The following ASZ1 variants were observed in gnomAD, a reference collection of about 807,000 sequenced individuals.
The protein encoded by ASZ1 is ankyrin repeat, SAM and basic leucine zipper domain containing 1, also known as ankyrin repeat, SAM and basic leucine zipper domain-containing protein 1.
ASZ1 carries 67 observed loss-of-function variants against 61.8 expected under a neutral mutation model. The observed-to-expected ratio is 1.08, with a 90% confidence interval of 0.89 to 1.33. The LOEUF (loss-of-function observed/expected upper bound fraction) is 1.33. ASZ1 is among the 40% of genes most tolerant of loss of function. The pLI is 0.00. For synonymous variants in ASZ1, 193 were observed against 192.7 expected, an observed-to-expected ratio of 1.00 and a Z score of -0.01; for missense variants, 577 against 554.5, an observed-to-expected ratio of 1.04 and a Z score of -0.41.
chr7:117,423,966 T>G (rs770603414), intron 2 of ASZ1, among the ~76,000 whole-genome samples: 1 of 151,952 alleles, frequency 6.6e-6, no homozygotes, highest in Non-Finnish European at 1.5e-5. Flanking sequence ...TAAGCACATA[T>G]TATGTTCCAG....
At chr7:117,417,222 T>G (rs973708021) in intron 4 of ASZ1, among the ~76,000 whole-genome samples, 2 of 152,174 alleles carry the variant, frequency 1.3e-5, no homozygotes, top group African/African-American at 4.8e-5. Context: ...TTTCTTTGCA[T>G]CTATCAAGTA....
At position 117,377,808 on chromosome 7, in the gene ASZ1, G is replaced by C. The variant is rs540321993; in HGVS notation, c.1055+2130C>G. Among the ~76,000 whole-genome samples, 5 of 152,222 alleles carry C rather than the reference G, an allele frequency of 3.3e-5. No homozygotes were observed. The South Asian group carries it at 1.0e-3, about 32-fold the overall frequency. On this transcript the variant is annotated intron_variant, in intron 10 of 12. Coordinates refer to ENST00000284629, the MANE Select transcript of ASZ1 (RefSeq NM_130768.3). ...GATATTAAGGTTTACCATATAGTTA[G>C]AGTAATCAAGACGTGGTACTTTCAG...
intron 4 of ASZ1, among the ~76,000 whole-genome samples, chr7:117,419,240 C>T (rs1014498392): frequency 3.0e-4 from 46 of 152,256 alleles, no homozygotes; most frequent in African/African-American, 1.1e-3. Flanking sequence ...TGCCAAATAT[C>T]CCCTGAAAGG....
intron 4 of ASZ1, among the ~76,000 whole-genome samples, chr7:117,398,173 C>T (rs983700807): frequency 6.6e-5 from 10 of 152,186 alleles, no homozygotes; most frequent in Non-Finnish European, 1.2e-4. Flanking sequence ...AGTGCTATCT[C>T]GCTTCAATAT....
At chr7:117,411,207 T>C (rs1437760942) in intron 4 of ASZ1, among the ~76,000 whole-genome samples, 1 of 151,764 alleles carries the variant, frequency 6.6e-6, no homozygotes, top group Non-Finnish European at 1.5e-5. Context: ...GGTATCTGAG[T>C]AGCAGTATTA....
rs1796424861 is a variant in ASZ1 at position 117,389,628 on chromosome 7, A to C, written c.441-3819T>G. Among the ~76,000 whole-genome samples, 4 of 152,174 alleles carry C rather than the reference A, an allele frequency of 2.6e-5. No individual in the cohort carries two copies. The South Asian group carries it at 8.3e-4, about 32-fold the overall frequency. On this transcript the variant is annotated intron_variant, in intron 4 of 12. Coordinates refer to ENST00000284629, the MANE Select transcript of ASZ1 (RefSeq NM_130768.3). ...TACCAGGCCAAAGTCAGGATGAGGC[A>C]AACCAGACCTTCTGGACAGGCAATT...
At chr7:117,387,723 T>C (rs908854987) in intron 4 of ASZ1, among the ~76,000 whole-genome samples, 6 of 152,190 alleles carry the variant, frequency 3.9e-5, no homozygotes, top group African/African-American at 1.2e-4. Context: ...CATAGTCTCA[T>C]AACTGCTCTC....
In ASZ1 at chr7:117,383,077, A is replaced by G; in HGVS notation, c.721T>C (p.Leu241=). ...GTTAGCTGTTGAAGTTTTCCTTCCA[A>G]TGGATTTAAAGTAAAAGAAAGTAAG... ...FNLLSFTLNP[L]EGKLQQLTKE... The change falls in exon 7 of 13, where the codon TTG becomes CTG. Residue 241 remains leucine, a synonymous_variant. Transcript: ENST00000284629. The G allele has an allele frequency of 1.3e-6, 2 of 1,579,346 alleles. No homozygotes were observed. The highest frequency in any genetic ancestry group is 1.7e-6 in the Non-Finnish European group (2 of 1,165,264).
chr7:117,427,378 C>T lies in ASZ1; in HGVS notation c.83G>A (p.Gly28Glu). ...TACCTGAGACGTCCGGTCGAGATAC[C>T]CAATCTCCCAGCCATCATCCTCGCT... is the stretch of plus-strand genomic sequence containing the variant. ...SESEDDGWEI[G>E]YLDRTSQKLK... Residue 28 changes from glycine to glutamate, a missense_variant, in exon 1 of 13, where the codon GGG (glycine) becomes GAG (glutamate). By Grantham distance (98) the Gly-to-Glu change is moderately conservative (BLOSUM62 -2). Coordinates refer to ENST00000284629, the MANE Select transcript of ASZ1 (RefSeq NM_130768.3). The T allele has an allele frequency of 3.1e-6, 5 of 1,614,208 alleles. No individual in the cohort carries two copies. In the South Asian group the frequency reaches 5.5e-5, roughly 18 times the overall value.
chr7:117,365,180 C>G (rs1310601671), intron 12 of ASZ1, among the ~76,000 whole-genome samples: 1 of 152,146 alleles, frequency 6.6e-6, no homozygotes, highest in African/African-American at 2.4e-5. Flanking sequence ...CTAGCTTGCT[C>G]CAAAATTTAA....
intron 4 of ASZ1, among the ~76,000 whole-genome samples, chr7:117,416,543 TC>T (rs1228081016): frequency 1.3e-5 from 2 of 152,208 alleles, no homozygotes; most frequent in African/African-American, 4.8e-5. Context: ...ACAAAAATAC[TC>T]TATAATTCTA....
At chr7:117,398,806 G>GA (rs1796622230) in intron 4 of ASZ1, among the ~76,000 whole-genome samples, 1 of 152,122 alleles carries the variant, frequency 6.6e-6, no homozygotes, top group African/African-American at 2.4e-5. Context: ...AATATTTCTA[G>GA]ATACACTGTT....
intron 4 of ASZ1, among the ~76,000 whole-genome samples, chr7:117,404,059 G>T (rs964134412): frequency 6.6e-6 from 1 of 152,116 alleles, no homozygotes; most frequent in African/African-American, 2.4e-5. Flanking sequence ...ACTGGTCCCT[G>T]GTGCCAAAAA....
rs752788327 is a variant in ASZ1 at position 117,382,058 on chromosome 7, T to C, written c.888+11A>G. 6.6e-7 allele frequency: 1 copy of C among 1,518,454 alleles called. No homozygotes were observed. Among genetic ancestry groups the C allele is most frequent in the East Asian group, 2.3e-5 (1 of 44,208 alleles). The allele number at this position is 1,518,454 out of a possible 1,614,324, so 94.1% of individuals were successfully genotyped here. On this transcript the variant is annotated intron_variant, in intron 8 of 12. Coordinates refer to ENST00000284629, the MANE Select transcript of ASZ1 (RefSeq NM_130768.3). ...TATGCATAACTCACTGTAGGTTATA[T>C]AAGATCTTACCTTTAGTAAATCTGT...
chr7:117,420,624 A>G (rs1436834381), intron 3 of ASZ1, among the ~76,000 whole-genome samples: 1 of 152,228 alleles, frequency 6.6e-6, no homozygotes, highest in African/African-American at 2.4e-5. Flanking sequence ...TTTGGGAAAC[A>G]ATGATCTATA....
At position 117,363,459 on chromosome 7, in the gene ASZ1, A is replaced by C; in HGVS notation, c.*137T>G. ...GTAACAAACCACTTTTTAAAAAAAA[A>C]CTCCACATTGTCAAAATTTTTCCTA... On this transcript the variant is annotated 3_prime_UTR_variant, in exon 13 of 13. Coordinates refer to ENST00000284629, the MANE Select transcript of ASZ1 (RefSeq NM_130768.3). 1 of 673,238 alleles carries C rather than the reference A, an allele frequency of 1.5e-6. No individual in the cohort carries two copies. Among genetic ancestry groups the C allele is most frequent in the Admixed American group, 4.2e-5 (1 of 23,946 alleles). 41.7% of individuals were successfully genotyped at this position (673,238 alleles called of 1,614,324 possible).
In ASZ1 at chr7:117,427,397, C is replaced by G. The variant is rs1258777314; in HGVS notation, c.64G>C (p.Asp22His). 1.5e-5 allele frequency: 24 copies of G among 1,614,104 alleles called. No homozygotes were observed. The highest frequency in any genetic ancestry group is 3.3e-5 in the South Asian group (3 of 91,094). Residue 22 changes from aspartate to histidine, a missense_variant, in exon 1 of 13, where the codon GAT (aspartate) becomes CAT (histidine). Transcript: ENST00000284629. ...AGGGESSESE[D>H]DGWEIGYLDR... ...AGATACCCAATCTCCCAGCCATCAT[C>G]CTCGCTCTCGCTACTCTCGCCTCCG... is the stretch of plus-strand genomic sequence containing the variant.
chr7:117,385,142 T>A (rs1229575628), intron 5 of ASZ1, among the ~76,000 whole-genome samples: 3 of 152,194 alleles, frequency 2.0e-5, no homozygotes, highest in Non-Finnish European at 2.9e-5. Flanking sequence ...AAGGGTTTTC[T>A]ACAAAAAATA....
intron 4 of ASZ1, among the ~76,000 whole-genome samples, chr7:117,413,883 A>G (rs1165031399): frequency 6.6e-6 from 1 of 152,098 alleles, no homozygotes; most frequent in Non-Finnish European, 1.5e-5. Flanking sequence ...AGTAATTGCA[A>G]GTTAGATAAT....
Sources: gnomAD v4.1 joint callset for allele counts (sites outside exome capture counted in the v4.1 genomes callset) on GRCh38, gnomAD v4.1.1 for gene constraint, MANE v1.5 for transcripts, NCBI Gene and HGNC (gene_info 2026-07-23, HGNC 2026-07-21) for gene names.